LILRA2: variants seen among roughly 807,000 people sequenced by gnomAD.
The protein encoded by LILRA2 is leukocyte immunoglobulin-like receptor subfamily A member 2.
A neutral mutation model predicts 47.9 loss-of-function variants in LILRA2; 45 were observed. That is an observed-to-expected ratio of 0.94 (90% CI 0.74 to 1.20). LILRA2 has a LOEUF of 1.20. Among genes scored for constraint, LILRA2 ranks in the 50% most tolerant of loss-of-function variants. The pLI is 0.00. For missense variants in LILRA2, 651 were observed against 598.2 expected, an observed-to-expected ratio of 1.09 and a Z score of -0.92; for synonymous variants, 279 against 249.2, an observed-to-expected ratio of 1.12 and a Z score of -1.13.
chr19:54,574,291 T>G lies in LILRA2; in HGVS notation c.71-10T>G. The G allele has an allele frequency of 1.2e-6, 2 of 1,614,006 alleles. No homozygotes were observed. Among genetic ancestry groups the G allele is most frequent in the East Asian group, 4.5e-5 (2 of 44,878 alleles). ...AATGACTTAGAATCCGACCTCTGAT[T>G]TCCTTCCAGGGCACCTCCCCAAGCC... On this transcript the variant is annotated splice_polypyrimidine_tract_variant and intron_variant, in intron 2 of 7. Coordinates refer to ENST00000391738, the MANE Select transcript of LILRA2 (RefSeq NM_001130917.3).
At chr19:54,575,122 A>C in intron 4 of LILRA2, 89 bp downstream of exon 4, 1 of 1,563,982 alleles carries the variant, frequency 6.4e-7, no homozygotes, top group Non-Finnish European at 8.7e-7. Flanking sequence ...GGGCAGCTCC[A>C]GGTGGGATGA....
At chr19:54,573,467 G>A (rs978605513), upstream of LILRA2, 17 of 1,078,678 alleles carry the variant, frequency 1.6e-5, no homozygotes, top group African/African-American at 1.4e-4. Context: ...GCTGATGGAC[G>A]GGCTGAAGGA....
At chr19:54,573,543 AG>A, upstream of LILRA2, 1 of 831,180 alleles carries the variant, frequency 1.2e-6, no homozygotes, top group Non-Finnish European at 2.0e-6. Flanking sequence ...CTCATCTGGA[AG>A]GGCAGACGCA....
In LILRA2 at chr19:54,587,463, C is replaced by T; in HGVS notation, c.*117C>T. 2 of 1,454,128 alleles carry T rather than the reference C, an allele frequency of 1.4e-6. No individual in the cohort carries two copies. The highest frequency in any genetic ancestry group is 1.3e-5 in the South Asian group (1 of 75,396). The allele number at this position is 1,454,128 out of a possible 1,614,324, so 90.1% of individuals were successfully genotyped here. A position where few individuals can be genotyped will look rare whatever the true frequency, so the allele number is the denominator to read the frequency against. On this transcript the variant is annotated 3_prime_UTR_variant, in exon 8 of 8. Transcript: ENST00000391738. Reference sequence around the variant, plus strand: ...TACATTATCTGGACTGTATGCTGGTCATTTCTAGAGACAGCAATCAATATT... The same window carrying T: ...TACATTATCTGGACTGTATGCTGGTTATTTCTAGAGACAGCAATCAATATT...
At chr19:54,573,782 G>C (rs140954265), upstream of LILRA2, 25,457 of 1,602,998 alleles carry the variant, frequency 0.016, 225 homozygotes, top group Middle Eastern at 0.033. Flanking sequence ...TGACAAGAAG[G>C]ATCCAGCCTC....
chr19:54,581,901 G>C (rs1234479480), intron 6 of LILRA2, among the ~76,000 whole-genome samples: 2 of 151,158 alleles, frequency 1.3e-5, no homozygotes, highest in Non-Finnish European at 2.9e-5. Flanking sequence ...GTATGATATT[G>C]GCTGTGGGTT....
chr19:54,573,896 G>A lies in LILRA2; in HGVS notation c.18G>A (p.Thr6=), dbSNP rs111878266. The A allele has an allele frequency of 7.2e-4, 1,156 of 1,614,076 alleles. 1 individual carries two copies. The African/African-American group carries it at 0.013, about 18-fold the overall frequency. ...GAGACGCCATGACCCCCATCCTCAC[G>A]GTCCTGATCTGTCTCGGTGAGATTT... The part of the protein sequence containing the change: MTPIL[T]VLICLGLSLG... Residue 6 remains threonine (T), a synonymous_variant, in exon 1 of 8, where the codon ACG becomes ACA. Coordinates refer to ENST00000391738, the MANE Select transcript of LILRA2 (RefSeq NM_001130917.3).
At chr19:54,573,249 G>A (rs889026219), upstream of LILRA2, 10 of 448,896 alleles carry the variant, frequency 2.2e-5, no homozygotes, top group African/African-American at 2.0e-4. Flanking sequence ...CTCCTGAAGT[G>A]CTGGGATTCC....
rs1041334635 is a variant in LILRA2 at position 54,585,346 on chromosome 19, G to C, written c.1256-1664G>C. Among the ~76,000 whole-genome samples, 9 of 152,216 alleles carry C rather than the reference G, an allele frequency of 5.9e-5. No individual in the cohort carries two copies. The East Asian group carries it at 1.7e-3, about 29-fold the overall frequency. ...TCAGACAGGGACGTTTAAGTCTGCAGAAGCTACCTGCTGCCCTTTGTTCTA... is the reference window on the plus strand; with the variant it reads ...TCAGACAGGGACGTTTAAGTCTGCACAAGCTACCTGCTGCCCTTTGTTCTA... On this transcript the variant is annotated intron_variant, in intron 6 of 7. Coordinates refer to ENST00000391738, the MANE Select transcript of LILRA2 (RefSeq NM_001130917.3).
In LILRA2 at chr19:54,575,777, C is replaced by T. The variant is rs2062397033; in HGVS notation, c.953-30C>T. The T allele has an allele frequency of 3.1e-6, 5 of 1,611,136 alleles. No individual in the cohort carries two copies. The South Asian group carries it at 3.3e-5, about 11-fold the overall frequency. On this transcript the variant is annotated intron_variant, in intron 5 of 7. Transcript: ENST00000391738. ...GGTCTCAGCTCAGAACAAGGTGGGG[C>T]AGCCCCTCACCCATCCTTCTTCTCT...
upstream of LILRA2, chr19:54,573,578 G>A: frequency 1.3e-6 from 1 of 756,102 alleles, no homozygotes; most frequent in South Asian, 1.6e-5. Flanking sequence ...TCTATTTGCT[G>A]CTACATCCCA....
At chr19:54,579,689 T>A (rs2062584663) in intron 6 of LILRA2, among the ~76,000 whole-genome samples, 1 of 152,174 alleles carries the variant, frequency 6.6e-6, no homozygotes, top group Non-Finnish European at 1.5e-5. Flanking sequence ...AATCTATAAA[T>A]CCCTTTGGGC....
chr19:54,589,809 C>T lies in LILRA2; in HGVS notation c.*2463C>T, dbSNP rs1240648190. On this transcript the variant is annotated 3_prime_UTR_variant, in exon 8 of 8. Transcript: ENST00000391738. The stretch of plus-strand genomic sequence containing the variant: ...TCCACTTAGAATTTCGGTATTTACT[C>T]ACCATTTTGACTCCTCTTAACGAGA... 1 of 152,148 alleles carries T rather than the reference C, an allele frequency of 6.6e-6. No homozygotes were observed. The highest frequency in any genetic ancestry group is 1.5e-5 in the Non-Finnish European group (1 of 68,046). The allele number at this position is 152,148 out of a possible 1,614,324, so 9.4% of individuals were successfully genotyped here.
Position 54,574,764 on chromosome 19 carries a change from C to T in LILRA2, c.386C>T (p.Pro129Leu). 2 of 1,614,284 alleles carry T rather than the reference C, an allele frequency of 1.2e-6. No individual in the cohort carries two copies. The highest frequency in any genetic ancestry group is 1.3e-5 in the African/African-American group (1 of 75,088). Residue 129 changes from proline (P) to leucine (L), a missense_variant, in exon 4 of 8, where the codon CCC becomes CTC. Physicochemically the swap from Pro to Leu is moderately conservative, Grantham distance 98 (BLOSUM62 -3). Coordinates refer to ENST00000391738, the MANE Select transcript of LILRA2 (RefSeq NM_001130917.3). ...AYSKPTLSAL[P>L]SPVVTSGGNV... is the part of the protein sequence containing the mutation. Reference sequence around the variant, plus strand: ...AGCAAACCCACCCTCTCAGCTCTGCCCAGCCCTGTGGTGACCTCAGGAGGG... The same window carrying T: ...AGCAAACCCACCCTCTCAGCTCTGCTCAGCCCTGTGGTGACCTCAGGAGGG...
rs1443117958 is a variant in LILRA2, at chr19:54,576,109, G to C, written c.1255G>C (p.Glu419Gln). The C allele has an allele frequency of 6.2e-7, 1 of 1,614,182 alleles. No individual in the cohort carries two copies. The highest frequency in any genetic ancestry group is 1.1e-5 in the South Asian group (1 of 91,092). Residue 419 changes from glutamate (E) to glutamine (Q), a missense_variant and splice_region_variant, in exon 6 of 8, where the codon GAA (glutamate) becomes CAA (glutamine). By Grantham distance (29) the Glu-to-Gln change is conservative. Coordinates refer to ENST00000391738, the MANE Select transcript of LILRA2 (RefSeq NM_001130917.3). ...PSDPLELVVSEAAETLSPSQN... is the reference protein window; with the variant it reads ...PSDPLELVVSQAAETLSPSQN... ...TGACCCCCTGGAGCTCGTGGTCTCA[G>C]GTGAGGGCCCTGATCTTGTCCTCTC...
In LILRA2 at chr19:54,576,184, A is replaced by G. The variant is rs2062424919; in HGVS notation, c.1255+75A>G. 16 of 1,596,346 alleles carry G rather than the reference A, an allele frequency of 1.0e-5. No homozygotes were observed. The South Asian group carries it at 1.7e-4, about 17-fold the overall frequency. ...CCTGCCCCCAGCAGAGCTCTGGGAC[A>G]ATAATGAATGAGGGGAGTGAAGCGG... On this transcript the variant is annotated intron_variant, in intron 6 of 7. Coordinates refer to ENST00000391738, the MANE Select transcript of LILRA2 (RefSeq NM_001130917.3).
rs990935024 is a variant in LILRA2, at chr19:54,588,686, G to A, written c.*1340G>A. The A allele has an allele frequency of 6.0e-5, 9 of 150,502 alleles. No individual in the cohort carries two copies. The highest frequency in any genetic ancestry group is 1.9e-4 in the African/African-American group (8 of 41,176). The allele number at this position is 150,502 out of a possible 1,614,324, so 9.3% of individuals were successfully genotyped here. On this transcript the variant is annotated 3_prime_UTR_variant, in exon 8 of 8. Transcript: ENST00000391738. ...GTTTCGATGAAAGAATTTTTTTTGA[G>A]ATGGAGTTTTGCTTTGTTGCCCAGG...
intron 6 of LILRA2, among the ~76,000 whole-genome samples, chr19:54,582,381 T>A (rs963876698): frequency 1.3e-5 from 2 of 152,194 alleles, no homozygotes; most frequent in African/African-American, 4.8e-5. Context: ...TCTGGTAGAA[T>A]TCGGCTGCGA....
intron 6 of LILRA2, among the ~76,000 whole-genome samples, chr19:54,584,636 G>T (rs969911394): frequency 6.6e-6 from 1 of 152,144 alleles, no homozygotes; most frequent in African/African-American, 2.4e-5. Flanking sequence ...GTCATTTAAG[G>T]TCTTCTCTAC....
Sources: gnomAD v4.1 joint callset for allele counts (sites outside exome capture counted in the v4.1 genomes callset) on GRCh38, gnomAD v4.1.1 for gene constraint, MANE v1.5 for transcripts, NCBI Gene and HGNC (gene_info 2026-07-23, HGNC 2026-07-21) for gene names.